ABLIM1: variants seen among roughly 807,000 people sequenced by gnomAD.
The protein encoded by ABLIM1 is actin-binding LIM protein 1.
Under a neutral mutation model 107.0 loss-of-function variants are expected in ABLIM1, and 40 were observed. That is an observed-to-expected ratio of 0.37 (90% CI 0.29 to 0.49). ABLIM1 has a LOEUF of 0.49. Among genes scored for constraint, ABLIM1 ranks in the 20% least tolerant of loss-of-function variants. The pLI is 0.97. For missense variants in ABLIM1, 857 were observed against 1,008.5 expected, an observed-to-expected ratio of 0.85 and a Z score of 2.04; for synonymous variants, 357 against 357.3, an observed-to-expected ratio of 1.00 and a Z score of 0.01.
chr10:114,500,731 AGGAAGGGAAG>A (rs869259042), intron 6 of ABLIM1, among the ~76,000 whole-genome samples: 1,585 of 72,944 alleles, frequency 0.022, 47 homozygotes, highest in African/African-American at 0.067. Context: ...AGGAAGGGAA[AGGAAGGGAAG>A]GGAAGGGAAG....
At chr10:114,645,668 G>C (rs2483526) in intron 1 of ABLIM1, among the ~76,000 whole-genome samples, 3,238 of 152,162 alleles carry the variant, frequency 0.021, 101 homozygotes, top group African/African-American at 0.074. Context: ...TCATTAATTG[G>C]ATCACCTTAT....
At chr10:114,537,402 A>G (rs1048813502) in intron 6 of ABLIM1, among the ~76,000 whole-genome samples, 1 of 152,160 alleles carries the variant, frequency 6.6e-6, no homozygotes, top group African/African-American at 2.4e-5. Context: ...GCTACTTTGA[A>G]ATATACAGTA....
chr10:114,441,232 T>A (rs2060152186), intron 18 of ABLIM1, among the ~76,000 whole-genome samples, 155 bp from the exon 19 acceptor site: 1 of 152,210 alleles, frequency 6.6e-6, no homozygotes, highest in South Asian at 2.1e-4. Context: ...TCTACTGCTA[T>A]GCCATCTCTT....
intron 4 of ABLIM1, among the ~76,000 whole-genome samples, chr10:114,561,201 A>G (rs2069648645): frequency 6.6e-6 from 1 of 152,212 alleles, no homozygotes; most frequent in South Asian, 2.1e-4. Context: ...GCCAAAGAGG[A>G]AATCATACTT....
chr10:114,697,655 C>T (rs1013065298), intron 1 of ABLIM1, among the ~76,000 whole-genome samples: 1 of 152,186 alleles, frequency 6.6e-6, no homozygotes, highest in Admixed American at 6.5e-5. Flanking sequence ...AGAAACAGAA[C>T]AAGAGTGATA....
rs114705857 is a variant in ABLIM1, at chr10:114,449,049, G to C, written c.1595-1029C>G. On this transcript the variant is annotated intron_variant, in intron 14 of 22. Coordinates refer to ENST00000533213, the MANE Select transcript of ABLIM1 (RefSeq NM_002313.7). ...GTTTGCCGTTTCCACTCATTGTTTTGTTCAAAGGTCTGTGCACACAAGTGA... is the reference window on the plus strand; with the variant it reads ...GTTTGCCGTTTCCACTCATTGTTTTCTTCAAAGGTCTGTGCACACAAGTGA... 1.5e-3 allele frequency among the ~76,000 whole-genome samples: 232 copies of C among 152,292 alleles called. 1 individual carries two copies. The highest frequency in any genetic ancestry group is 5.2e-3 in the African/African-American group (218 of 41,572).
chr10:114,445,391 T>C lies in ABLIM1; in HGVS notation c.1748A>G (p.Lys583Arg). 4 of 1,614,154 alleles carry C rather than the reference T, an allele frequency of 2.5e-6. No individual in the cohort carries two copies. The highest frequency in any genetic ancestry group is 2.5e-6 in the Non-Finnish European group (3 of 1,179,992). The change falls in exon 16 of 23, where the codon AAA (lysine) becomes AGA (arginine). Residue 583 changes from lysine (K) to arginine (R), a missense_variant. Lys to Arg is a conservative substitution (Grantham distance 26). Coordinates refer to ENST00000533213, the MANE Select transcript of ABLIM1 (RefSeq NM_002313.7). ...TTCCTCTCTGCCACTAGATCTGCGT[T>C]TCATGTCAGGTCCTAATTCCACAGC... Reference protein sequence around the residue: ...PSFAVVGPDMKRRSSGREEDD... With the variant: ...PSFAVVGPDMRRRSSGREEDD...
At chr10:114,606,675 C>A (rs115028756) in intron 1 of ABLIM1, among the ~76,000 whole-genome samples, 2 of 152,204 alleles carry the variant, frequency 1.3e-5, no homozygotes, top group Admixed American at 1.3e-4. Flanking sequence ...TGGAACAACA[C>A]GGTGCTTGAT....
chr10:114,703,848 A>C lies in ABLIM1; in HGVS notation c.-213+64213T>G, dbSNP rs529506168. Among the ~76,000 whole-genome samples the C allele has an allele frequency of 2.0e-5, 3 of 152,332 alleles. No homozygotes were observed. The South Asian group carries it at 6.2e-4, about 32-fold the overall frequency. ...GGGGCACAGAACACTACCACCCTCT[A>C]CTGGAGAATCAGTTTCTTACAGGAA... On this transcript the variant is annotated intron_variant, in intron 1 of 15. Transcript: ENST00000651092.
chr10:114,580,625 T>C (rs746761318), intron 2 of ABLIM1, among the ~76,000 whole-genome samples: 2 of 152,236 alleles, frequency 1.3e-5, no homozygotes, highest in African/African-American at 2.4e-5. Flanking sequence ...AAGAGTCCTA[T>C]ACTTTTTGAA....
At chr10:114,768,009 C>T (rs879847147) in intron 1 of ABLIM1, 20 of 425,576 alleles carry the variant, frequency 4.7e-5, no homozygotes, top group Non-Finnish European at 7.9e-5. Context: ...CCCTCCCGCA[C>T]CTGTTCGGCC....
chr10:114,690,663 G>A (rs1192037993), intron 1 of ABLIM1: 2 of 573,918 alleles, frequency 3.5e-6, no homozygotes, highest in East Asian at 2.8e-5. Flanking sequence ...AGGGCTCCTG[G>A]TGGCGGCAGC....
At chr10:114,611,194 T>C (rs1367338464) in intron 1 of ABLIM1, among the ~76,000 whole-genome samples, 3 of 151,500 alleles carry the variant, frequency 2.0e-5, no homozygotes, top group Admixed American at 1.3e-4. Context: ...TGGCTGGGCA[T>C]GGTAGCTCAT....
intron 2 of ABLIM1, among the ~76,000 whole-genome samples, chr10:114,582,002 GA>G (rs1350527226): frequency 6.6e-6 from 1 of 152,018 alleles, no homozygotes; most frequent in Non-Finnish European, 1.5e-5. Flanking sequence ...CATAGAACTG[GA>G]AGTCCTAGCC....
At chr10:114,790,597 T>TGGACCCTTCTGAGTGCA in the ABLIM1 span, among the ~76,000 whole-genome samples, 1 of 152,240 alleles carries the variant, frequency 6.6e-6, no homozygotes, top group Non-Finnish European at 1.5e-5. Flanking sequence ...AACCTAGGTG[T>TGGACCCTTCTGAGTGCA]GGACCCTTCT....
intron 20 of ABLIM1, 133 bp from the exon 21 acceptor site, chr10:114,439,383 A>G: frequency 1.1e-6 from 1 of 902,338 alleles, no homozygotes; most frequent in Non-Finnish European, 1.8e-6. Flanking sequence ...CTAAATGACC[A>G]TGTATTTTTC....
At chr10:114,597,681 G>A (rs150428288) in intron 2 of ABLIM1, among the ~76,000 whole-genome samples, 6 of 152,320 alleles carry the variant, frequency 3.9e-5, no homozygotes, top group Non-Finnish European at 5.9e-5. Flanking sequence ...CTGAGAATAC[G>A]AGGGCAGTTG....
chr10:114,798,251 T>C, the ABLIM1 span, among the ~76,000 whole-genome samples: 1 of 150,350 alleles, frequency 6.7e-6, no homozygotes, highest in Admixed American at 6.6e-5. Flanking sequence ...CGAAACCCCA[T>C]CTCTACTAAA....
Position 114,571,391 on chromosome 10 carries a change from G to A in ABLIM1, c.579C>T (p.Pro193=), listed in dbSNP as rs368811634. ...ACTICKRPFP[P]GDRVTFNGRD... is the part of the protein sequence containing the mutation. ...TCCCATTGAATGTGACTCGGTCTCC[G>A]GGTGGAAACGGGCGCCTGGAGGCAG... Residue 193 remains proline, a synonymous_variant, in exon 4 of 23, where the codon CCC becomes CCT. Transcript: ENST00000533213. The A allele has an allele frequency of 1.7e-4, 272 of 1,614,040 alleles. No homozygotes were observed. Among genetic ancestry groups the A allele is most frequent in the Middle Eastern group, 3.3e-4 (2 of 6,084 alleles).
Sources: gnomAD v4.1 joint callset for allele counts (sites outside exome capture counted in the v4.1 genomes callset) on GRCh38, gnomAD v4.1.1 for gene constraint, MANE v1.5 for transcripts, NCBI Gene and HGNC (gene_info 2026-07-23, HGNC 2026-07-21) for gene names.